AKAP6: variants seen among roughly 807,000 people sequenced by gnomAD.
AKAP6 encodes the protein A-kinase anchoring protein 6.
A neutral mutation model predicts 188.5 loss-of-function variants in AKAP6; 58 were observed. The observed-to-expected ratio is 0.31, with a 90% CI of 0.25 to 0.38. The LOEUF (loss-of-function observed/expected upper bound fraction) is 0.38, where lower values mean the gene tolerates loss of function less well. Among genes scored for constraint, AKAP6 ranks in the 10% least tolerant of loss-of-function variants. The pLI is 1.00. For synonymous variants in AKAP6, 989 were observed against 998.6 expected (o/e 0.99, Z 0.18); for missense variants, 2,710 against 2,740.0 (o/e 0.99, Z 0.24).
chr14:32,546,922 A>G lies in AKAP6; in HGVS notation c.2269A>G (p.Lys757Glu). ...GAAAAATGAGAGCCATTCTGCCACT[A>G]AATCAGCTTTAATTCAGAAACTGAT... ...SEKNESHSAT[K>E]SALIQKLMQD... Residue 757 changes from lysine to glutamate, a missense_variant, in exon 4 of 14, where the codon AAA becomes GAA. Coordinates refer to ENST00000280979, the MANE Select transcript of AKAP6 (RefSeq NM_004274.5). 6.2e-6 allele frequency: 10 copies of G among 1,613,270 alleles called. No homozygotes were observed. The highest frequency in any genetic ancestry group is 8.5e-6 in the Non-Finnish European group (10 of 1,179,996).
chr14:32,593,196 T>A (rs1885560535), intron 5 of AKAP6, among the ~76,000 whole-genome samples: 1 of 152,180 alleles, frequency 6.6e-6, no homozygotes, highest in Non-Finnish European at 1.5e-5. Flanking sequence ...AGGGTTGTGA[T>A]TCGAGTTGAC....
intron 12 of AKAP6, among the ~76,000 whole-genome samples, chr14:32,814,340 C>T (rs1022268438): frequency 2.0e-5 from 3 of 152,168 alleles, no homozygotes; most frequent in African/African-American, 4.8e-5. Context: ...GCAACCACCA[C>T]TTCTTCCAAA....
At chr14:32,634,065 AC>A (rs1306750596) in intron 7 of AKAP6, among the ~76,000 whole-genome samples, 5 of 151,976 alleles carry the variant, frequency 3.3e-5, no homozygotes, top group African/African-American at 1.2e-4. Flanking sequence ...TCATTGTCTC[AC>A]AATCTCTACA....
intron 12 of AKAP6, among the ~76,000 whole-genome samples, chr14:32,779,710 C>A (rs2140013523): frequency 6.6e-6 from 1 of 152,122 alleles, no homozygotes; most frequent in Middle Eastern, 3.4e-3. Flanking sequence ...CAAAAACAGA[C>A]CATTTTGGGC....
Position 32,834,531 on chromosome 14 carries a change from GTCTT to G in AKAP6, c.*4728_*4731del, listed in dbSNP as rs1411795979. 2.2e-5 allele frequency: 2 copies of G among 90,504 alleles called. No homozygotes were observed. The highest frequency in any genetic ancestry group is 1.5e-4 in the Admixed American group (1 of 6,756). The allele number at this position is 90,504 out of a possible 1,614,324, so 5.6% of individuals were successfully genotyped here. A position where few individuals can be genotyped will look rare whatever the true frequency, so the allele number is the denominator to read the frequency against. On this transcript the variant is annotated 3_prime_UTR_variant, in exon 14 of 14. Transcript: ENST00000280979. ...ATCACACACTGCTTTTAGTTTCCAA[GTCTT>G]TTTTTTTTTTTTTTTTTTTAAATCT...
chr14:32,457,077 G>A (rs148026450), intron 2 of AKAP6, among the ~76,000 whole-genome samples: 141 of 152,218 alleles, frequency 9.3e-4, no homozygotes, highest in Non-Finnish European at 1.6e-3. Flanking sequence ...TATCATATTA[G>A]TCAGGGAACT....
In AKAP6 at chr14:32,545,418, T is replaced by C; in HGVS notation, c.765T>C (p.Ser255=). ...SSQVKTKPFD[S]WSYSEMEKEF... ...AAGTCAAAACCAAACCCTTTGACTCTTGGAGCTACAGTGAGATGGAAAAGG... is the reference window on the plus strand; with the variant it reads ...AAGTCAAAACCAAACCCTTTGACTCCTGGAGCTACAGTGAGATGGAAAAGG... The change falls in exon 4 of 14, where the codon TCT becomes TCC. Residue 255 remains serine (S), a synonymous_variant. Transcript: ENST00000280979. 1 of 1,614,224 alleles carries C rather than the reference T, an allele frequency of 6.2e-7. No individual in the cohort carries two copies. Among genetic ancestry groups the C allele is most frequent in the African/African-American group, 1.3e-5 (1 of 75,068 alleles).
At chr14:32,811,105 G>C (rs921149824) in intron 12 of AKAP6, among the ~76,000 whole-genome samples, 4 of 151,930 alleles carry the variant, frequency 2.6e-5, no homozygotes, top group Admixed American at 1.3e-4. Flanking sequence ...CGGGCATGGT[G>C]GTGGGCGCCT....
At chr14:32,414,841 A>G (rs972606792) in intron 1 of AKAP6, among the ~76,000 whole-genome samples, 3 of 152,166 alleles carry the variant, frequency 2.0e-5, no homozygotes, top group African/African-American at 7.2e-5. Context: ...TGCCCTAGCC[A>G]CTGAATGACC....
intron 3 of AKAP6, 96 bp from the exon 4 acceptor site, chr14:32,545,134 C>T: frequency 8.4e-7 from 1 of 1,186,762 alleles, no homozygotes; most frequent in Non-Finnish European, 1.2e-6. Context: ...ATACATTTGA[C>T]CTTTATAGTG....
intron 2 of AKAP6, among the ~76,000 whole-genome samples, chr14:32,481,588 A>G (rs1879343566): frequency 6.6e-6 from 1 of 152,172 alleles, no homozygotes; most frequent in Admixed American, 6.5e-5. Context: ...GTCAGATCTT[A>G]TGAGACTTAT....
chr14:32,711,261 T>C (rs535515753), intron 9 of AKAP6, among the ~76,000 whole-genome samples: 117 of 152,202 alleles, frequency 7.7e-4, no homozygotes, highest in African/African-American at 2.8e-3. Context: ...AATTGGTTCA[T>C]GTCACCACCA....
intron 9 of AKAP6, among the ~76,000 whole-genome samples, chr14:32,725,192 T>C (rs936568449): frequency 6.6e-6 from 1 of 152,144 alleles, no homozygotes; most frequent in African/African-American, 2.4e-5. Flanking sequence ...AAGGTCTCAG[T>C]TATGTTTGTA....
chr14:32,791,469 G>A (rs12232198), intron 12 of AKAP6, among the ~76,000 whole-genome samples: 33,033 of 151,898 alleles, frequency 0.22, 3,855 homozygotes, highest in East Asian at 0.35. Flanking sequence ...GGGGTGGGTC[G>A]TTTTTTTCTT....
chr14:32,813,372 T>A (rs2034289109), intron 12 of AKAP6, among the ~76,000 whole-genome samples: 1 of 149,370 alleles, frequency 6.7e-6, no homozygotes. Flanking sequence ...GTAGTTACAG[T>A]TTTCATCTCT....
intron 12 of AKAP6, among the ~76,000 whole-genome samples, chr14:32,781,303 G>A (rs1365167961): frequency 1.2e-4 from 18 of 150,380 alleles, no homozygotes; most frequent in East Asian, 1.2e-3. Context: ...AGCCAAGATC[G>A]CGCCATTGCA....
At chr14:32,621,335 C>T (rs766789071) in intron 7 of AKAP6, among the ~76,000 whole-genome samples, 1 of 151,954 alleles carries the variant, frequency 6.6e-6, no homozygotes, top group Non-Finnish European at 1.5e-5. Context: ...TTCCTCTTAC[C>T]ATTGCTTTTG....
At chr14:32,779,073 G>C (rs1174289271) in intron 12 of AKAP6, among the ~76,000 whole-genome samples, 1 of 151,946 alleles carries the variant, frequency 6.6e-6, no homozygotes, top group Non-Finnish European at 1.5e-5. Context: ...GGTTTATAAA[G>C]CTCTACTGAG....
chr14:32,792,040 G>T (rs889517783), intron 12 of AKAP6, among the ~76,000 whole-genome samples: 1 of 152,188 alleles, frequency 6.6e-6, no homozygotes, highest in Non-Finnish European at 1.5e-5. Context: ...AGTATAGTTT[G>T]AAGTCAGGTA....
Sources: allele counts gnomAD v4.1 joint callset (sites outside exome capture counted in the v4.1 genomes callset), GRCh38; gene constraint gnomAD v4.1.1; transcripts MANE v1.5; gene names NCBI Gene and HGNC (gene_info 2026-07-23, HGNC 2026-07-21).